The following MBOAT2 variants were observed in gnomAD, a reference collection of about 807,000 sequenced individuals.
The protein encoded by MBOAT2 is membrane-bound glycerophospholipid O-acyltransferase 2.
A neutral mutation model predicts 63.4 loss-of-function variants in MBOAT2; 28 were observed. The ratio of observed to expected loss-of-function variants is 0.44; its 90% confidence interval spans 0.33 to 0.61. The LOEUF (loss-of-function observed/expected upper bound fraction) is 0.61. Ranked by LOEUF, MBOAT2 falls within the 20% of genes least tolerant of loss-of-function variation. The pLI is 0.03. For missense variants in MBOAT2, 470 were observed against 605.8 expected (o/e 0.78, Z 2.35); for synonymous variants, 211 against 215.6 (o/e 0.98, Z 0.19).
At chr2:8,994,997 C>T (rs1032880526) in intron 1 of MBOAT2, among the ~76,000 whole-genome samples, 1 of 152,216 alleles carries the variant, frequency 6.6e-6, no homozygotes, top group African/African-American at 2.4e-5. Flanking sequence ...ATACGTTGCT[C>T]TAAGCAATTT....
At chr2:8,913,613 C>A (rs1285508186) in intron 3 of MBOAT2, among the ~76,000 whole-genome samples, 1 of 152,130 alleles carries the variant, frequency 6.6e-6, no homozygotes, top group African/African-American at 2.4e-5. Context: ...AAATGCAAAT[C>A]AAAACCACAA....
chr2:8,888,714 T>C (rs983031626), intron 4 of MBOAT2, among the ~76,000 whole-genome samples: 1 of 152,144 alleles, frequency 6.6e-6, no homozygotes, highest in African/African-American at 2.4e-5. Context: ...AAAGATGACA[T>C]TAGCTTACAG....
chr2:8,923,495 C>T (rs1446113463), intron 3 of MBOAT2, among the ~76,000 whole-genome samples: 4 of 152,168 alleles, frequency 2.6e-5, no homozygotes, highest in African/African-American at 4.8e-5. Context: ...CCCTGCCAAC[C>T]GGAGCACCCT....
intron 3 of MBOAT2, among the ~76,000 whole-genome samples, chr2:8,912,359 AAG>A (rs1340425166): frequency 2.8e-5 from 3 of 105,306 alleles, no homozygotes; most frequent in African/African-American, 1.2e-4. Flanking sequence ...AAGAGAAAGA[AAG>A]AAAGAAAGAA....
intron 1 of MBOAT2, among the ~76,000 whole-genome samples, chr2:8,967,823 T>A (rs543819439): frequency 1.4e-4 from 22 of 151,928 alleles, no homozygotes; most frequent in Non-Finnish European, 2.8e-4. Flanking sequence ...ATAAAAAAAA[T>A]TAGATACAAC....
At chr2:8,908,826 C>T (rs1011067877) in intron 3 of MBOAT2, 110 bp from the exon 4 acceptor site, 4 of 640,318 alleles carry the variant, frequency 6.2e-6, no homozygotes, top group Non-Finnish European at 1.1e-5. Flanking sequence ...TTAAATATTA[C>T]TAGATCTACT....
chr2:8,862,296 C>T lies in MBOAT2; in HGVS notation c.1185+294G>A. On this transcript the variant is annotated intron_variant, in intron 11 of 12. Coordinates refer to ENST00000305997, the MANE Select transcript of MBOAT2 (RefSeq NM_138799.4). This position sits in a 1 kb window ranked among gnomAD's most constrained non-coding sequence, Gnocchi z 4.3. ...CCATTCTGATCATCTTTATTTAACT[C>T]AGTTTTTATCTCTCCTTCAGAAAAT... 7.5e-7 allele frequency: 1 copy of T among 1,337,902 alleles called. No individual in the cohort carries two copies. The highest frequency in any genetic ancestry group is 1.2e-5 in the South Asian group (1 of 80,922). The allele number at this position is 1,337,902 out of a possible 1,614,324, so 82.9% of individuals were successfully genotyped here.
At chr2:8,964,933 AC>A (rs1175337154) in intron 1 of MBOAT2, among the ~76,000 whole-genome samples, 1 of 152,036 alleles carries the variant, frequency 6.6e-6, no homozygotes, top group African/African-American at 2.4e-5. Context: ...TTTCTCATTG[AC>A]TTCTTTAAAA....
At chr2:8,912,177 G>A (rs1665752752) in intron 3 of MBOAT2, among the ~76,000 whole-genome samples, 4 of 151,730 alleles carry the variant, frequency 2.6e-5, no homozygotes, top group Non-Finnish European at 1.5e-5. Context: ...CTGAGAACAG[G>A]AACAAGACAA....
Position 9,003,628 on chromosome 2 carries a change from C to A in MBOAT2, c.-14G>T. On this transcript the variant is annotated 5_prime_UTR_variant, in exon 1 of 13. Transcript: ENST00000305997. The surrounding 1 kb of genome is among the most constrained non-coding windows in gnomAD (Gnocchi z 5.4). ...GGTGGTGGCCATGGCCGGGCCTCGG[C>A]GCTCCGGCCGCCCGCGCCGCTCGCC... The A allele has an allele frequency of 8.6e-7, 1 of 1,163,682 alleles. No homozygotes were observed. The highest frequency in any genetic ancestry group is 4.1e-5 in the South Asian group (1 of 24,636). 72.1% of individuals were successfully genotyped at this position (1,163,682 alleles called of 1,614,324 possible).
chr2:8,888,396 T>C (rs1663721039), intron 4 of MBOAT2, among the ~76,000 whole-genome samples: 1 of 152,034 alleles, frequency 6.6e-6, no homozygotes, highest in Non-Finnish European at 1.5e-5. Context: ...GGCCCGGAGG[T>C]AAGAAGCACG....
At chr2:8,878,935 G>A (rs1166485754) in intron 6 of MBOAT2, among the ~76,000 whole-genome samples, 1 of 151,718 alleles carries the variant, frequency 6.6e-6, no homozygotes, top group Non-Finnish European at 1.5e-5. Context: ...AATTAGCCGG[G>A]CGTAGTGGCG....
At chr2:8,903,382 G>A (rs933004133) in intron 4 of MBOAT2, among the ~76,000 whole-genome samples, 2 of 152,136 alleles carry the variant, frequency 1.3e-5, no homozygotes, top group Non-Finnish European at 2.9e-5. Flanking sequence ...GAGCACACAC[G>A]ACTGAGCAGT....
chr2:8,912,389 A>AAGAAAGAAAG (rs1665845988), intron 3 of MBOAT2, among the ~76,000 whole-genome samples: 2 of 148,632 alleles, frequency 1.3e-5, no homozygotes, highest in East Asian at 2.0e-4. Flanking sequence ...GAAAGAAAGA[A>AAGAAAGAAAG]AGAAAGAAAG....
intron 3 of MBOAT2, among the ~76,000 whole-genome samples, chr2:8,922,272 CCTTAT>C (rs974388701): frequency 7.2e-5 from 11 of 152,116 alleles, no homozygotes; most frequent in African/African-American, 2.2e-4. Context: ...TCATGATCCT[CCTTAT>C]CTTAATTCTT....
Position 8,864,166 on chromosome 2 carries a change from G to T in MBOAT2, c.1052+4C>A, listed in dbSNP as rs760565298. ...ATCTAAAGATCGTTTTTGAAGGAAC[G>T]CACCTTTTGAGCCAAAGAGCTGTCT... is the stretch of plus-strand genomic sequence containing the variant. On this transcript the variant is annotated splice_donor_region_variant and intron_variant, in intron 10 of 12. Coordinates refer to ENST00000305997, the MANE Select transcript of MBOAT2 (RefSeq NM_138799.4). 3.8e-6 allele frequency: 6 copies of T among 1,571,796 alleles called. No individual in the cohort carries two copies. Among genetic ancestry groups the T allele is most frequent in the Non-Finnish European group, 5.2e-6 (6 of 1,162,414 alleles).
At chr2:8,880,539 G>A (rs945041282) in intron 6 of MBOAT2, among the ~76,000 whole-genome samples, 1 of 152,238 alleles carries the variant, frequency 6.6e-6, no homozygotes, top group African/African-American at 2.4e-5. Flanking sequence ...TGGAGCCGAG[G>A]GGAGTGGATT....
intron 1 of MBOAT2, among the ~76,000 whole-genome samples, chr2:8,993,644 T>C (rs1392665143): frequency 2.6e-5 from 4 of 152,122 alleles, no homozygotes; most frequent in African/African-American, 9.7e-5. Context: ...ACCGCATCCC[T>C]CAGAACCTGG....
At chr2:8,907,440 A>G (rs1054209295) in intron 4 of MBOAT2, among the ~76,000 whole-genome samples, 1 of 152,138 alleles carries the variant, frequency 6.6e-6, no homozygotes, top group Non-Finnish European at 1.5e-5. Flanking sequence ...TTATATAACT[A>G]TTTCCCAATT....
Sources: gnomAD v4.1 joint callset for allele counts (sites outside exome capture counted in the v4.1 genomes callset) on GRCh38, gnomAD v4.1.1 for gene constraint, Gnocchi (gnomAD v3.1) non-coding constraint, MANE v1.5 for transcripts, NCBI Gene and HGNC (gene_info 2026-07-23, HGNC 2026-07-21) for gene names.